The following BMPR1B variants were observed in gnomAD, a reference collection of about 807,000 sequenced individuals.
BMPR1B encodes the protein bone morphogenetic protein receptor type 1B.
BMPR1B carries 12 observed loss-of-function variants against 59.1 expected under a neutral mutation model. The ratio of observed to expected loss-of-function variants is 0.20; its 90% CI spans 0.13 to 0.33. The LOEUF (loss-of-function observed/expected upper bound fraction) is 0.33. Among genes scored for constraint, BMPR1B ranks in the 10% least tolerant of loss-of-function variants. The pLI is 1.00. For synonymous variants in BMPR1B, 237 were observed against 207.3 expected (o/e 1.14, Z -1.23); for missense variants, 550 against 610.9 (o/e 0.90, Z 1.05).
intron 10 of BMPR1B, among the ~76,000 whole-genome samples, chr4:95,133,744 T>G (rs1480372607): frequency 6.6e-6 from 1 of 151,754 alleles, no homozygotes; most frequent in Non-Finnish European, 1.5e-5. Context: ...GCTAATTTTT[T>G]TTTTTTTTAA....
intron 1 of BMPR1B, among the ~76,000 whole-genome samples, chr4:94,802,662 A>G (rs1471174829): frequency 6.6e-6 from 1 of 152,162 alleles, no homozygotes; most frequent in Non-Finnish European, 1.5e-5. Flanking sequence ...GGGTCACAAA[A>G]TTCACTTAGG....
chr4:95,129,828 G>C, intron 8 of BMPR1B, 34 bp from the exon 9 acceptor site: 1 of 1,601,320 alleles, frequency 6.2e-7, no homozygotes, highest in Admixed American at 1.7e-5. Flanking sequence ...GTAGCGCTGT[G>C]AATACACTAA....
At chr4:94,976,608 G>T (rs905714452) in intron 2 of BMPR1B, among the ~76,000 whole-genome samples, 3 of 152,252 alleles carry the variant, frequency 2.0e-5, no homozygotes, top group East Asian at 3.9e-4. Flanking sequence ...CACAGATAAG[G>T]CTCCTTGGCT....
chr4:94,950,251 A>T (rs1477116100), intron 2 of BMPR1B, among the ~76,000 whole-genome samples: 1 of 152,022 alleles, frequency 6.6e-6, no homozygotes, highest in Non-Finnish European at 1.5e-5. Context: ...GTTCACTCTG[A>T]TGATAAGTTT....
chr4:94,779,014 T>A (rs1316576019), intron 1 of BMPR1B, among the ~76,000 whole-genome samples: 1 of 152,160 alleles, frequency 6.6e-6, no homozygotes, highest in Non-Finnish European at 1.5e-5. Flanking sequence ...TGACAGAAGT[T>A]CTCAATTTTA....
intron 1 of BMPR1B, among the ~76,000 whole-genome samples, chr4:94,786,846 C>T (rs1272054953): frequency 1.3e-5 from 2 of 152,014 alleles, no homozygotes; most frequent in Non-Finnish European, 2.9e-5. Context: ...GCCCAGCCCA[C>T]TTAGCTAATT....
At chr4:94,938,480 G>A (rs182412465) in intron 2 of BMPR1B, among the ~76,000 whole-genome samples, 8 of 151,928 alleles carry the variant, frequency 5.3e-5, no homozygotes, top group African/African-American at 9.7e-5. Flanking sequence ...GGGTCACAGA[G>A]CGAGACTGTG....
chr4:95,156,899 A>G lies in BMPR1B; in HGVS notation c.*2226A>G, dbSNP rs1010626525. ...CTCTAAACAGATCATCTACAAAACAACAGGTAAACATTTATGCCAGTTAAG... is the reference window on the plus strand; with the variant it reads ...CTCTAAACAGATCATCTACAAAACAGCAGGTAAACATTTATGCCAGTTAAG... On this transcript the variant is annotated 3_prime_UTR_variant, in exon 13 of 13. Transcript: ENST00000515059. 1.3e-5 allele frequency: 2 copies of G among 152,182 alleles called. No homozygotes were observed. The highest frequency in any genetic ancestry group is 4.8e-5 in the African/African-American group (2 of 41,458). 9.4% of individuals were successfully genotyped at this position (152,182 alleles called of 1,614,324 possible).
intron 1 of BMPR1B, among the ~76,000 whole-genome samples, chr4:94,830,584 C>A (rs1174109533): frequency 6.6e-6 from 1 of 152,154 alleles, no homozygotes; most frequent in Non-Finnish European, 1.5e-5. Context: ...AAACTTACTT[C>A]TAGATACTAC....
chr4:94,844,060 G>T (rs908520944), intron 1 of BMPR1B, among the ~76,000 whole-genome samples: 1 of 152,228 alleles, frequency 6.6e-6, no homozygotes, highest in African/African-American at 2.4e-5. Context: ...CTTTCAGTTA[G>T]AAGATGAGTA....
chr4:95,055,326 G>A, intron 3 of BMPR1B, among the ~76,000 whole-genome samples: 1 of 152,112 alleles, frequency 6.6e-6, no homozygotes, highest in East Asian at 1.9e-4. Flanking sequence ...AATCCAGTAA[G>A]AGGAGGATAA....
intron 3 of BMPR1B, among the ~76,000 whole-genome samples, chr4:95,006,015 CT>C (rs1181615248): frequency 1.3e-5 from 2 of 152,224 alleles, no homozygotes; most frequent in South Asian, 2.1e-4. Context: ...GCTCAAGCCT[CT>C]AATCTCAGCA....
chr4:95,022,927 A>G (rs1724097742), intron 3 of BMPR1B, among the ~76,000 whole-genome samples: 1 of 152,168 alleles, frequency 6.6e-6, no homozygotes, highest in Admixed American at 6.6e-5. Flanking sequence ...GATCACCAAT[A>G]ATGCCTTGGT....
chr4:94,869,680 T>C (rs1013972978), intron 1 of BMPR1B, among the ~76,000 whole-genome samples: 6 of 152,234 alleles, frequency 3.9e-5, no homozygotes, highest in African/African-American at 1.2e-4. Flanking sequence ...AAATAAAATG[T>C]GACTGTGTTT....
intron 2 of BMPR1B, among the ~76,000 whole-genome samples, chr4:94,887,876 C>T (rs1316964294): frequency 6.6e-6 from 1 of 151,878 alleles, no homozygotes; most frequent in Non-Finnish European, 1.5e-5. Context: ...AGAAAAAAAT[C>T]GGAATCCCTA....
At chr4:94,850,998 A>C (rs1262549166) in intron 1 of BMPR1B, among the ~76,000 whole-genome samples, 1 of 152,200 alleles carries the variant, frequency 6.6e-6, no homozygotes, top group African/African-American at 2.4e-5. Flanking sequence ...GTAATCACTA[A>C]ACGTTTATTA....
intron 1 of BMPR1B, among the ~76,000 whole-genome samples, chr4:94,815,328 A>G (rs1450522140): frequency 6.6e-6 from 1 of 152,198 alleles, no homozygotes; most frequent in Non-Finnish European, 1.5e-5. Flanking sequence ...TTTTGGTCAT[A>G]TCCTTGTTGA....
rs543371043 is a variant in BMPR1B at position 94,815,586 on chromosome 4, T to G, written c.-183+57518T>G. Among the ~76,000 whole-genome samples, 7 of 152,340 alleles carry G rather than the reference T, an allele frequency of 4.6e-5. No individual in the cohort carries two copies. The South Asian group carries it at 1.4e-3, about 32-fold the overall frequency. On this transcript the variant is annotated intron_variant, in intron 1 of 12. Coordinates refer to ENST00000515059, the MANE Select transcript of BMPR1B (RefSeq NM_001203.3). Reference sequence around the variant, plus strand: ...AATATTGTTTTTTATTTTGCTAATTTGAGTAGACATTGTGGTAAATAACAT... The same window carrying G: ...AATATTGTTTTTTATTTTGCTAATTGGAGTAGACATTGTGGTAAATAACAT...
rs34003455 is a variant in BMPR1B, at chr4:94,990,676, T to TTTGTTG, written c.-112-5340_-112-5335dup. ...CTCAACCTCTATGCTGGAATGAGGT[T>TTTGTTG]TTGTTGTTGTTGTTGTTGTTGTTGT... On this transcript the variant is annotated intron_variant, in intron 2 of 12. Transcript: ENST00000515059. Among the ~76,000 whole-genome samples the TTTGTTG allele has an allele frequency of 3.0e-3, 453 of 150,092 alleles. 2 individuals are homozygous for TTTGTTG. Among genetic ancestry groups the TTTGTTG allele is most frequent in the East Asian group, 0.016 (81 of 4,974 alleles).
Sources: gnomAD v4.1 joint callset for allele counts (sites outside exome capture counted in the v4.1 genomes callset) on GRCh38, gnomAD v4.1.1 for gene constraint, MANE v1.5 for transcripts, NCBI Gene and HGNC (gene_info 2026-07-23, HGNC 2026-07-21) for gene names.